NKAIN2: variants seen among roughly 807,000 people sequenced by gnomAD.
NKAIN2 encodes sodium/potassium-transporting ATPase subunit beta-1-interacting protein 2.
NKAIN2 carries 14 observed loss-of-function variants against 32.6 expected under a neutral mutation model. That is an observed-to-expected ratio of 0.43 (90% CI 0.28 to 0.67). The LOEUF is 0.67. Ranked by LOEUF, NKAIN2 falls within the 30% of genes least tolerant of loss-of-function variation. The probability of loss-of-function intolerance (pLI) is 0.17; values close to 1 mark genes in which losing one functional copy is unlikely to be tolerated. For synonymous variants in NKAIN2, 80 were observed against 87.2 expected (o/e 0.92, Z 0.46); for missense variants, 198 against 258.3 (o/e 0.77, Z 1.60).
At chr6:124,547,905 C>T (rs1780153090) in intron 3 of NKAIN2, among the ~76,000 whole-genome samples, 1 of 152,116 alleles carries the variant, frequency 6.6e-6, no homozygotes, top group African/African-American at 2.4e-5. Context: ...CCTACACACA[C>T]GTCAATACAA....
chr6:124,202,922 G>C (rs980385530), intron 1 of NKAIN2, among the ~76,000 whole-genome samples: 1 of 151,856 alleles, frequency 6.6e-6, no homozygotes, highest in African/African-American at 2.4e-5. Context: ...GAGGCATAAA[G>C]TTGTAATATT....
chr6:124,257,287 C>T (rs1793997000), intron 1 of NKAIN2, among the ~76,000 whole-genome samples: 1 of 152,086 alleles, frequency 6.6e-6, no homozygotes, highest in African/African-American at 2.4e-5. Flanking sequence ...TTTGAAAATG[C>T]TCCACTAACA....
intron 1 of NKAIN2, among the ~76,000 whole-genome samples, chr6:123,881,174 A>G (rs1773436497): frequency 6.6e-6 from 1 of 152,050 alleles, no homozygotes; most frequent in Non-Finnish European, 1.5e-5. Flanking sequence ...GGCGGCCACC[A>G]CCACACGCAG....
chr6:124,000,045 C>T (rs895394873), intron 1 of NKAIN2, among the ~76,000 whole-genome samples: 5 of 152,098 alleles, frequency 3.3e-5, no homozygotes, highest in Admixed American at 1.3e-4. Flanking sequence ...TTGTAGATTG[C>T]TGTACTAAAA....
At chr6:124,346,237 G>A (rs1044369895) in intron 2 of NKAIN2, among the ~76,000 whole-genome samples, 1 of 152,152 alleles carries the variant, frequency 6.6e-6, no homozygotes, top group African/African-American at 2.4e-5. Context: ...ATTTGCTGAG[G>A]AGAGCTTTAC....
chr6:123,888,725 C>T (rs760815371), intron 1 of NKAIN2, among the ~76,000 whole-genome samples: 13 of 152,150 alleles, frequency 8.5e-5, no homozygotes, highest in East Asian at 5.8e-4. Flanking sequence ...ACCTAGTCAG[C>T]GGCCAAATAA....
chr6:124,735,495 T>C (rs1776891353), intron 4 of NKAIN2, among the ~76,000 whole-genome samples: 1 of 151,912 alleles, frequency 6.6e-6, no homozygotes, highest in Admixed American at 6.6e-5. Flanking sequence ...AGTGGTAGAT[T>C]GGGAGAAACA....
intron 3 of NKAIN2, among the ~76,000 whole-genome samples, chr6:124,375,707 C>T (rs926331641): frequency 2.6e-5 from 4 of 151,816 alleles, no homozygotes; most frequent in Non-Finnish European, 5.9e-5. Context: ...TATCAGCTCA[C>T]GAGAAAATGT....
At chr6:124,092,746 T>C (rs948910025) in intron 1 of NKAIN2, among the ~76,000 whole-genome samples, 4 of 152,058 alleles carry the variant, frequency 2.6e-5, no homozygotes, top group African/African-American at 9.7e-5. Context: ...GTAGAGTTCA[T>C]TTCAGTCCTA....
rs191564504 is a variant in NKAIN2, at chr6:124,364,232, A to G, written c.273+8885A>G. On this transcript the variant is annotated intron_variant, in intron 3 of 6. Transcript: ENST00000368417. The stretch of plus-strand genomic sequence containing the variant: ...AACTAAAGCACAGGAAAGGGTTAAA[A>G]ATACCAAAAAAAAAAAAAAGAGAGA... Among the ~76,000 whole-genome samples the G allele has an allele frequency of 3.0e-4, 26 of 87,344 alleles. No individual in the cohort carries two copies. In the East Asian group the frequency reaches 8.6e-3, roughly 29 times the overall value. 57.3% of individuals were successfully genotyped at this position (87,344 alleles called of 152,430 possible).
rs763753357 is a variant in NKAIN2 at position 124,101,729 on chromosome 6, A to G, written c.55-181276A>G. Among the ~76,000 whole-genome samples, 113 of 152,120 alleles carry G rather than the reference A, an allele frequency of 7.4e-4. 1 individual carries two copies. Among genetic ancestry groups the G allele is most frequent in the Non-Finnish European group, 1.5e-3 (99 of 68,022 alleles). On this transcript the variant is annotated intron_variant, in intron 1 of 6. Transcript: ENST00000368417. ...AAGGTGTAATTCAGTATTTCAGGAC[A>G]ATAACTTCCTGAGGGATGCCACGCT... is the stretch of plus-strand genomic sequence containing the variant.
intron 3 of NKAIN2, among the ~76,000 whole-genome samples, chr6:124,491,554 T>C (rs540163419): frequency 4.3e-4 from 66 of 151,966 alleles, no homozygotes; most frequent in African/African-American, 1.5e-3. Flanking sequence ...GAAATATGAA[T>C]CAAGGCTCTT....
At chr6:124,429,955 G>C (rs1775143473) in intron 3 of NKAIN2, among the ~76,000 whole-genome samples, 1 of 152,060 alleles carries the variant, frequency 6.6e-6, no homozygotes, top group South Asian at 2.1e-4. Flanking sequence ...GATGAATAAA[G>C]AGACATTAAA....
At chr6:124,658,632 A>G (rs1583596365) in intron 4 of NKAIN2, 1 of 920,424 alleles carries the variant, frequency 1.1e-6, no homozygotes, top group Non-Finnish European at 1.6e-6. Context: ...AGGAAATCCA[A>G]TCAGTCAAGA....
chr6:124,012,970 A>G (rs1780403866), intron 1 of NKAIN2, among the ~76,000 whole-genome samples: 1 of 152,136 alleles, frequency 6.6e-6, no homozygotes, highest in Admixed American at 6.5e-5. Flanking sequence ...TGAATTCCAA[A>G]TATCCTACCT....
intron 1 of NKAIN2, among the ~76,000 whole-genome samples, chr6:124,073,694 G>C (rs1488008543): frequency 1.3e-5 from 2 of 152,006 alleles, no homozygotes; most frequent in African/African-American, 4.8e-5. Context: ...ACAAAATGTT[G>C]ACTAAAAAGA....
At chr6:124,322,371 G>C (rs1244762485) in intron 2 of NKAIN2, among the ~76,000 whole-genome samples, 2 of 152,044 alleles carry the variant, frequency 1.3e-5, no homozygotes, top group Non-Finnish European at 2.9e-5. Flanking sequence ...CCTTCACCCA[G>C]TTTTCCCTAA....
intron 3 of NKAIN2, among the ~76,000 whole-genome samples, chr6:124,419,954 C>T (rs568646187): frequency 3.1e-4 from 47 of 151,624 alleles, no homozygotes; most frequent in South Asian, 6.2e-4. Context: ...TTTTTTTTCC[C>T]GGAATATCCT....
At chr6:124,416,376 G>C (rs1774488813) in intron 3 of NKAIN2, among the ~76,000 whole-genome samples, 1 of 152,154 alleles carries the variant, frequency 6.6e-6, no homozygotes, top group African/African-American at 2.4e-5. Flanking sequence ...AGCTATGGTG[G>C]CCCATACCTG....
Sources: gnomAD v4.1 joint callset for allele counts (sites outside exome capture counted in the v4.1 genomes callset) on GRCh38, gnomAD v4.1.1 for gene constraint, MANE v1.5 for transcripts, NCBI Gene and HGNC (gene_info 2026-07-23, HGNC 2026-07-21) for gene names.